Variants in LUM observed in about 807,000 individuals in gnomAD.
The protein encoded by LUM is lumican.
LUM carries 13 observed loss-of-function variants against 20.5 expected under a neutral mutation model. That is an observed-to-expected ratio of 0.63 (90% confidence interval 0.41 to 1.01). The LOEUF is 1.01. Among genes scored for constraint, LUM ranks in the 50% least tolerant of loss-of-function variants. LUM has a pLI of 0.00. For synonymous variants in LUM, 173 were observed against 151.5 expected (o/e 1.14, Z -1.04); for missense variants, 321 against 391.1 (o/e 0.82, Z 1.51).
chr12:91,107,661 G>A (rs1321851341), intron 2 of LUM, among the ~76,000 whole-genome samples: 1 of 151,990 alleles, frequency 6.6e-6, no homozygotes, highest in Non-Finnish European at 1.5e-5. Flanking sequence ...GCTGGATATT[G>A]GATATATGAT....
rs768374028 is a variant in LUM, at chr12:91,108,375, C to G, written c.605G>C (p.Gly202Ala). Residue 202 changes from glycine to alanine, a missense_variant, in exon 2 of 3, where the codon GGT becomes GCT. Physicochemically the swap from Gly to Ala is moderately conservative, Grantham distance 60. Transcript: ENST00000266718. The surrounding 1 kb of genome is among the most constrained non-coding windows in gnomAD (Gnocchi z 4.2). ...SFNQIARLPS[G>A]LPVSLLTLYL... ...GAGAGTTAGAAGAGAGACAGGGAGACCAGAAGGCAGTCTGGCTATCTGATT... is the reference window on the plus strand; with the variant it reads ...GAGAGTTAGAAGAGAGACAGGGAGAGCAGAAGGCAGTCTGGCTATCTGATT... The G allele has an allele frequency of 6.2e-7, 1 of 1,614,136 alleles. No homozygotes were observed. The highest frequency in any genetic ancestry group is 8.5e-7 in the Non-Finnish European group (1 of 1,180,020).
intron 2 of LUM, among the ~76,000 whole-genome samples, chr12:91,107,313 GAAAGAAAGA>G (rs1565758524): frequency 8.7e-6 from 1 of 115,380 alleles, no homozygotes; most frequent in African/African-American, 3.4e-5. Flanking sequence ...AAGAAAGAAA[GAAAGAAAGA>G]AAGAAAGAAA....
chr12:91,108,227 G>C lies in LUM; in HGVS notation c.753C>G (p.Phe251Leu), dbSNP rs548553673. Residue 251 changes from phenylalanine (F) to leucine (L), a missense_variant, in exon 2 of 3, where the codon TTC becomes TTG. Physicochemically the swap from Phe to Leu is conservative, Grantham distance 22 (BLOSUM62 0). Transcript: ENST00000266718. This position sits in a 1 kb window ranked among gnomAD's most constrained non-coding sequence, Gnocchi z 4.2. ...LADSGIPGNS[F>L]NVSSLVELDL... ...CCAGCTCAACCAGGGATGACACATT[G>C]AAAGAATTTCCAGGTATTCCACTAT... 1 of 1,614,094 alleles carries C rather than the reference G, an allele frequency of 6.2e-7. No homozygotes were observed. The highest frequency in any genetic ancestry group is 1.3e-5 in the African/African-American group (1 of 75,024).
rs949955029 is a variant in LUM at position 91,108,881 on chromosome 12, T to C, written c.99A>G (p.Ser33=). 3.3e-5 allele frequency: 53 copies of C among 1,613,946 alleles called. No individual in the cohort carries two copies. Among genetic ancestry groups the C allele is most frequent in the Non-Finnish European group, 4.5e-5 (53 of 1,179,988 alleles). The change falls in exon 2 of 3, where the codon TCA becomes TCG. Residue 33 remains serine, a synonymous_variant. Transcript: ENST00000266718. This position sits in a 1 kb window ranked among gnomAD's most constrained non-coding sequence, Gnocchi z 4.2. ...TACATTCTGGTGCACAGTTTGGTGA[T>C]GATTGCCCATAAATTGATAGGGGAA... ...YDFPLSIYGQ[S]SPNCAPECNC...
chr12:91,107,287 G>GAAAGAAAGAGAAAGAAAGAA, intron 2 of LUM, among the ~76,000 whole-genome samples: 1 of 61,334 alleles, frequency 1.6e-5, no homozygotes, highest in African/African-American at 7.5e-5. Flanking sequence ...AAGAAAGAAA[G>GAAAGAAAGAGAAAGAAAGAA]AGAAAGAAAG....
chr12:91,104,384 A>C (rs1879984433), intron 2 of LUM, 65 bp from the exon 3 acceptor site: 4 of 1,113,310 alleles, frequency 3.6e-6, no homozygotes, highest in South Asian at 1.4e-5. Flanking sequence ...CAATACAAAA[A>C]ATTTATGTTT....
Position 91,108,394 on chromosome 12 carries a change from T to C in LUM, c.586A>G (p.Ile196Val). The change falls in exon 2 of 3, where the codon ATA (isoleucine) becomes GTA (valine). Residue 196 changes from isoleucine to valine, a missense_variant. By Grantham distance (29) the Ile-to-Val change is conservative (BLOSUM62 3). Transcript: ENST00000266718. This position sits in a 1 kb window ranked among gnomAD's most constrained non-coding sequence, Gnocchi z 4.2. ...LEYLDLSFNQ[I>V]ARLPSGLPVS... is the part of the protein sequence containing the mutation. Reference sequence around the variant, plus strand: ...GGGAGACCAGAAGGCAGTCTGGCTATCTGATTGAAGCTCAAGTCAAGGTAT... The same window carrying C: ...GGGAGACCAGAAGGCAGTCTGGCTACCTGATTGAAGCTCAAGTCAAGGTAT... The C allele has an allele frequency of 6.2e-7, 1 of 1,614,194 alleles. No homozygotes were observed. Among genetic ancestry groups the C allele is most frequent in the Non-Finnish European group, 8.5e-7 (1 of 1,180,032 alleles).
chr12:91,108,901 G>C lies in LUM; in HGVS notation c.79C>G (p.Leu27Val). ...GGTGATGATTGCCCATAAATTGATA[G>C]GGGAAAATCATAATCATAGTACTGG... The part of the protein sequence containing the change: ...SGQYYDYDFP[L>V]SIYGQSSPNC... The change falls in exon 2 of 3, where the codon CTA becomes GTA. Residue 27 changes from leucine (L) to valine (V), a missense_variant. Transcript: ENST00000266718. This position sits in a 1 kb window ranked among gnomAD's most constrained non-coding sequence, Gnocchi z 4.2. 2.5e-6 allele frequency: 4 copies of C among 1,613,824 alleles called. No individual in the cohort carries two copies. The highest frequency in any genetic ancestry group is 3.4e-6 in the Non-Finnish European group (4 of 1,179,866).
At chr12:91,105,293 G>A (rs186683805) in intron 2 of LUM, among the ~76,000 whole-genome samples, 5 of 152,268 alleles carry the variant, frequency 3.3e-5, no homozygotes, top group Admixed American at 2.0e-4. Context: ...GATCTTGTTA[G>A]AAATAACACA....
At chr12:91,110,865 T>G (rs1880188778) in intron 1 of LUM, among the ~76,000 whole-genome samples, 1 of 152,176 alleles carries the variant, frequency 6.6e-6, no homozygotes. Flanking sequence ...AACTCGTTCC[T>G]TAAGGCATAT....
chr12:91,107,213 A>AAGAAAGAG (rs1489011765), intron 2 of LUM, among the ~76,000 whole-genome samples: 17 of 143,812 alleles, frequency 1.2e-4, no homozygotes, highest in East Asian at 2.0e-4. Context: ...GAAAGAAAGA[A>AAGAAAGAG]AGAGAGAAAG....
At chr12:91,104,504 A>G (rs941754624) in intron 2 of LUM, among the ~76,000 whole-genome samples, 185 bp from the exon 3 acceptor site, 2 of 152,164 alleles carry the variant, frequency 1.3e-5, no homozygotes, top group African/African-American at 4.8e-5. Context: ...TGGCACAGTA[A>G]CATTTAGTAA....
chr12:91,108,952 G>A lies in LUM; in HGVS notation c.28C>T (p.Leu10=), dbSNP rs1314368396. Residue 10 remains leucine (L), a synonymous_variant, in exon 2 of 3, where the codon CTG becomes TTG. Coordinates refer to ENST00000266718, the MANE Select transcript of LUM (RefSeq NM_002345.4). The surrounding 1 kb of genome is among the most constrained non-coding windows in gnomAD (Gnocchi z 4.2). The part of the protein sequence containing the change: MSLSAFTLF[L]ALIGGTSGQY... ...CCACTGGTACCACCAATCAATGCCA[G>A]GAAGAGAGTAAATGCACTTAGACTC... is the stretch of plus-strand genomic sequence containing the variant. 6.2e-7 allele frequency: 1 copy of A among 1,613,550 alleles called. No homozygotes were observed. The highest frequency in any genetic ancestry group is 2.2e-5 in the East Asian group (1 of 44,768).
Position 91,104,241 on chromosome 12 carries a change from T to C in LUM, c.941A>G (p.Asn314Ser). Reference protein sequence around the residue: ...SKIKHLRLDGNRISETSLPPD... With the variant: ...SKIKHLRLDGSRISETSLPPD... ...TGGAAGACTGGTTTCTGAGATGCGATTGCCATCCAAACGCAAATGCTTGAT... is the reference window on the plus strand; with the variant it reads ...TGGAAGACTGGTTTCTGAGATGCGACTGCCATCCAAACGCAAATGCTTGAT... Residue 314 changes from asparagine (N) to serine (S), a missense_variant, in exon 3 of 3, where the codon AAT becomes AGT. Coordinates refer to ENST00000266718, the MANE Select transcript of LUM (RefSeq NM_002345.4). 1 of 1,612,972 alleles carries C rather than the reference T, an allele frequency of 6.2e-7. No homozygotes were observed. Among genetic ancestry groups the C allele is most frequent in the Non-Finnish European group, 8.5e-7 (1 of 1,179,218 alleles).
chr12:91,108,896 T>C lies in LUM; in HGVS notation c.84A>G (p.Ser28=), dbSNP rs1880138365. The C allele has an allele frequency of 2.5e-6, 4 of 1,613,954 alleles. No homozygotes were observed. The highest frequency in any genetic ancestry group is 3.4e-6 in the Non-Finnish European group (4 of 1,179,940). ...GQYYDYDFPL[S]IYGQSSPNCA... is the part of the protein sequence containing the mutation. ...AGTTTGGTGATGATTGCCCATAAAT[T>C]GATAGGGGAAAATCATAATCATAGT... The change falls in exon 2 of 3, where the codon TCA becomes TCG. Residue 28 remains serine, a synonymous_variant. Transcript: ENST00000266718. The surrounding 1 kb of genome is among the most constrained non-coding windows in gnomAD (Gnocchi z 4.2).
Position 91,107,238 on chromosome 12 carries a change from G to GGAAAGAAA in LUM, c.862+872_862+879dup, listed in dbSNP as rs1555188589. ...AAGAGAGAAAGAAGAAAGAAAGAAA[G>GGAAAGAAA]GAAAGAAAGAAAGAAAGAAAGAAAG... On this transcript the variant is annotated intron_variant, in intron 2 of 2. Coordinates refer to ENST00000266718, the MANE Select transcript of LUM (RefSeq NM_002345.4). Among the ~76,000 whole-genome samples, 52 of 67,350 alleles carry GGAAAGAAA rather than the reference G, an allele frequency of 7.7e-4. 2 individuals are homozygous for GGAAAGAAA. Among genetic ancestry groups the GGAAAGAAA allele is most frequent in the East Asian group, 7.6e-3 (14 of 1,840 alleles). The allele number at this position is 67,350 out of a possible 152,430, so 44.2% of individuals were successfully genotyped here. A position where few individuals can be genotyped will look rare whatever the true frequency, so the allele number is the denominator to read the frequency against.
chr12:91,105,899 G>A (rs1306090195), intron 2 of LUM, among the ~76,000 whole-genome samples: 1 of 152,158 alleles, frequency 6.6e-6, no homozygotes, highest in Non-Finnish European at 1.5e-5. Flanking sequence ...CAAATCTAAT[G>A]TACTCCGTCA....
chr12:91,109,779 G>T (rs1031646103), intron 1 of LUM, among the ~76,000 whole-genome samples: 1 of 152,182 alleles, frequency 6.6e-6, no homozygotes, highest in African/African-American at 2.4e-5. Context: ...GGTAGAGAAA[G>T]ATAGTATTTT....
At chr12:91,109,929 T>C (rs766365923) in intron 1 of LUM, among the ~76,000 whole-genome samples, 3 of 152,150 alleles carry the variant, frequency 2.0e-5, no homozygotes, top group Non-Finnish European at 4.4e-5. Context: ...AGAGGTGTGA[T>C]GTTTTTAAAG....
Sources: allele counts gnomAD v4.1 joint callset (sites outside exome capture counted in the v4.1 genomes callset), GRCh38; gene constraint gnomAD v4.1.1; non-coding constraint Gnocchi (gnomAD v3.1); transcripts MANE v1.5; gene names NCBI Gene and HGNC (gene_info 2026-07-23, HGNC 2026-07-21).